The following EXOC4 variants were observed in gnomAD, a reference collection of about 807,000 sequenced individuals.
EXOC4 encodes the protein SEC8-like 1.
In EXOC4, 71 loss-of-function variants were observed where a neutral mutation model predicts 107.2. The observed-to-expected ratio is 0.66, with a 90% CI of 0.55 to 0.81. The LOEUF (loss-of-function observed/expected upper bound fraction) is 0.81, where lower values mean the gene tolerates loss of function less well. EXOC4 is among the 30% of genes least tolerant of loss of function. The pLI is 0.00. For synonymous variants in EXOC4, 456 were observed against 441.2 expected (o/e 1.03, Z -0.42); for missense variants, 1,108 against 1,189.6 (o/e 0.93, Z 1.01).
intron 17 of EXOC4, among the ~76,000 whole-genome samples, chr7:134,045,518 A>G (rs1289503377): frequency 1.3e-5 from 2 of 152,240 alleles, no homozygotes; most frequent in East Asian, 1.9e-4. Flanking sequence ...TAATGGATCA[A>G]TCCTCACAAC....
chr7:133,489,755 C>T (rs1799336726), intron 9 of EXOC4, among the ~76,000 whole-genome samples: 2 of 152,216 alleles, frequency 1.3e-5, no homozygotes, highest in South Asian at 2.1e-4. Context: ...AAATAATGAA[C>T]AGGACTGCCT....
At chr7:134,049,078 G>A (rs530793976) in intron 17 of EXOC4, among the ~76,000 whole-genome samples, 5 of 152,202 alleles carry the variant, frequency 3.3e-5, no homozygotes, top group African/African-American at 9.6e-5. Flanking sequence ...TCATCTATAC[G>A]AAAATTAGAA....
At chr7:133,492,973 TG>T (rs57064828) in intron 9 of EXOC4, among the ~76,000 whole-genome samples, 152,186 of 152,186 alleles carry the variant, frequency 1, 76,093 homozygotes, top group Non-Finnish European at 1. Context: ...AGGTTCGGAG[TG>T]GTGGGTCTCT....
chr7:134,002,357 A>G (rs1794548973), intron 15 of EXOC4, among the ~76,000 whole-genome samples: 1 of 152,218 alleles, frequency 6.6e-6, no homozygotes, highest in Non-Finnish European at 1.5e-5. Flanking sequence ...TGTAAAATCT[A>G]AAACTCTAAA....
the EXOC4 span, among the ~76,000 whole-genome samples, chr7:134,100,261 G>GT: frequency 5.2e-5 from 7 of 133,716 alleles, no homozygotes; most frequent in Admixed American, 8.2e-5. Context: ...CACAAGCCTA[G>GT]GAACCATTAG....
At chr7:133,405,458 T>C (rs549584044) in intron 7 of EXOC4, among the ~76,000 whole-genome samples, 1 of 152,280 alleles carries the variant, frequency 6.6e-6, no homozygotes, top group Admixed American at 6.5e-5. Context: ...TCAAAAAATA[T>C]TGATATAATT....
At chr7:133,258,588 G>A (rs1246377936) in intron 1 of EXOC4, among the ~76,000 whole-genome samples, 1 of 152,148 alleles carries the variant, frequency 6.6e-6, no homozygotes, top group Non-Finnish European at 1.5e-5. Flanking sequence ...CACACGGTAG[G>A]CACTCATATG....
At chr7:134,037,185 G>C (rs191663767) in intron 17 of EXOC4, among the ~76,000 whole-genome samples, 124 of 152,292 alleles carry the variant, frequency 8.1e-4, no homozygotes, top group Non-Finnish European at 1.5e-3. Flanking sequence ...CAAGGATAAA[G>C]ACCGAAGGTA....
At chr7:133,465,245 A>C (rs1798699745) in intron 7 of EXOC4, among the ~76,000 whole-genome samples, 1 of 152,196 alleles carries the variant, frequency 6.6e-6, no homozygotes, top group Non-Finnish European at 1.5e-5. Flanking sequence ...ATGGACAGAG[A>C]ATATATTGAA....
intron 13 of EXOC4, chr7:133,930,574 T>G (rs77004747): frequency 6.6e-6 from 1 of 152,126 alleles, no homozygotes; most frequent in African/African-American, 2.4e-5. Flanking sequence ...TGTACTCTTC[T>G]GCTTGGTACC....
chr7:133,516,923 T>C (rs576477048), intron 9 of EXOC4, among the ~76,000 whole-genome samples: 1 of 151,782 alleles, frequency 6.6e-6, no homozygotes, highest in Non-Finnish European at 1.5e-5. Flanking sequence ...ACATCACAAA[T>C]AGTAAATGTA....
chr7:133,658,579 T>C (rs963023940), intron 10 of EXOC4, among the ~76,000 whole-genome samples: 3 of 152,166 alleles, frequency 2.0e-5, no homozygotes, highest in African/African-American at 7.2e-5. Flanking sequence ...AATCATGAGA[T>C]TGGCTATGTC....
chr7:133,932,507 A>G (rs1318890852), intron 13 of EXOC4, among the ~76,000 whole-genome samples: 1 of 152,220 alleles, frequency 6.6e-6, no homozygotes, highest in African/African-American at 2.4e-5. Flanking sequence ...TATGTACCAT[A>G]TACTGACTGA....
chr7:133,357,007 T>C (rs958566954), intron 6 of EXOC4, among the ~76,000 whole-genome samples: 3 of 152,182 alleles, frequency 2.0e-5, no homozygotes, highest in African/African-American at 7.2e-5. Flanking sequence ...CTATAGCCCA[T>C]ACAAACTTTG....
intron 10 of EXOC4, among the ~76,000 whole-genome samples, chr7:133,644,884 AT>A (rs1802949411): frequency 6.6e-6 from 1 of 151,766 alleles, no homozygotes. Context: ...TTTAAGCATC[AT>A]TTCCTTCATT....
rs1797936913 is a variant in EXOC4 at position 133,837,231 on chromosome 7, T to G, written c.1734+19687T>G. Among the ~76,000 whole-genome samples the G allele has an allele frequency of 2.0e-5, 3 of 152,178 alleles. 1 individual carries two copies. In the South Asian group the frequency reaches 6.2e-4, roughly 32 times the overall value. On this transcript the variant is annotated intron_variant, in intron 11 of 17. Coordinates refer to ENST00000253861, the MANE Select transcript of EXOC4 (RefSeq NM_021807.4). ...TGCGAAAATTTAAAGAAAAGGACTG[T>G]CCTCTAGGAGGGTTCATCCTGGTGA...
At chr7:133,566,176 A>G (rs1800902655) in intron 9 of EXOC4, among the ~76,000 whole-genome samples, 1 of 152,188 alleles carries the variant, frequency 6.6e-6, no homozygotes, top group South Asian at 2.1e-4. Flanking sequence ...TCAAATTTAT[A>G]GCTTTTTAAT....
At position 133,951,156 on chromosome 7, in the gene EXOC4, G is replaced by A. The variant is rs116593700; in HGVS notation, c.2206+13087G>A. On this transcript the variant is annotated intron_variant, in intron 14 of 17. Transcript: ENST00000253861. ...ATGAGGAGGGGTGCTTTTCTTGAAT[G>A]CTGTGCCTGGACTTTCTCTCCCTTG... Among the ~76,000 whole-genome samples the A allele has an allele frequency of 2.4e-3, 364 of 152,296 alleles. 5 individuals carry two copies. The highest frequency in any genetic ancestry group is 8.2e-3 in the African/African-American group (340 of 41,544).
chr7:133,310,180 G>A (rs1425932139), intron 4 of EXOC4, among the ~76,000 whole-genome samples: 1 of 152,086 alleles, frequency 6.6e-6, no homozygotes, highest in Non-Finnish European at 1.5e-5. Flanking sequence ...CAATAGAGAA[G>A]ACAAAAATAT....
Sources: allele counts gnomAD v4.1 joint callset (sites outside exome capture counted in the v4.1 genomes callset), GRCh38; gene constraint gnomAD v4.1.1; transcripts MANE v1.5; gene names NCBI Gene and HGNC (gene_info 2026-07-23, HGNC 2026-07-21).